Variants in ELOVL2 observed in about 807,000 individuals in gnomAD.
ELOVL2 encodes the protein very long chain fatty acid elongase 2.
ELOVL2 carries 38 observed loss-of-function variants against 37.7 expected under a neutral mutation model. The observed-to-expected ratio is 1.01, with a 90% CI of 0.78 to 1.32. The LOEUF (loss-of-function observed/expected upper bound fraction) is 1.32. Ranked by LOEUF, ELOVL2 falls within the 40% of genes most tolerant of loss-of-function variation. The probability of loss-of-function intolerance (pLI) is 0.00; values close to 1 mark genes in which losing one functional copy is unlikely to be tolerated. For synonymous variants in ELOVL2, 115 were observed against 122.3 expected (o/e 0.94, Z 0.40); for missense variants, 352 against 363.6 (o/e 0.97, Z 0.26).
chr6:11,027,113 T>C (rs1378503112), intron 1 of ELOVL2, among the ~76,000 whole-genome samples: 1 of 152,222 alleles, frequency 6.6e-6, no homozygotes, highest in Non-Finnish European at 1.5e-5. Flanking sequence ...GATAAAATAA[T>C]ATTTTAAAAG....
Position 10,982,215 on chromosome 6 carries a change from C to T in ELOVL2, c.*1566G>A, listed in dbSNP as rs1408291024. On this transcript the variant is annotated 3_prime_UTR_variant, in exon 8 of 8. Coordinates refer to ENST00000354666, the MANE Select transcript of ELOVL2 (RefSeq NM_017770.4). ...CACCTTCCAAAAAATATGCCCAAAT[C>T]CTCAGAGGGGCAGTTTACATGAAAT... is the stretch of plus-strand genomic sequence containing the variant. The T allele has an allele frequency of 2.0e-5, 3 of 152,082 alleles. No individual in the cohort carries two copies. The highest frequency in any genetic ancestry group is 1.3e-4 in the Admixed American group (2 of 15,256). 9.4% of individuals were successfully genotyped at this position (152,082 alleles called of 1,614,324 possible).
chr6:11,031,279 A>C (rs1782926502), intron 1 of ELOVL2, among the ~76,000 whole-genome samples: 1 of 152,160 alleles, frequency 6.6e-6, no homozygotes, highest in Non-Finnish European at 1.5e-5. Flanking sequence ...TATTAATGAG[A>C]ATTTCTTTGG....
At chr6:11,038,293 GCTAA>G (rs1414299737) in intron 1 of ELOVL2, among the ~76,000 whole-genome samples, 1 of 152,102 alleles carries the variant, frequency 6.6e-6, no homozygotes, top group Non-Finnish European at 1.5e-5. Flanking sequence ...TTTAAGTTAT[GCTAA>G]CTAAAGGCCA....
intron 7 of ELOVL2, among the ~76,000 whole-genome samples, chr6:10,987,016 A>C (rs1782064415): frequency 6.6e-6 from 1 of 152,154 alleles, no homozygotes; most frequent in Admixed American, 6.5e-5. Context: ...GATTATTTCC[A>C]CAATTTCAGA....
chr6:11,039,712 T>C (rs989781093), intron 1 of ELOVL2, among the ~76,000 whole-genome samples: 1 of 152,240 alleles, frequency 6.6e-6, no homozygotes, highest in Non-Finnish European at 1.5e-5. Flanking sequence ...CAAAGAATGA[T>C]TTCATCTTCC....
chr6:11,020,639 G>C (rs1674568830), intron 1 of ELOVL2, among the ~76,000 whole-genome samples: 2 of 152,150 alleles, frequency 1.3e-5, no homozygotes, highest in Non-Finnish European at 2.9e-5. Context: ...CAACCCCACA[G>C]TAAGAGAAGG....
intron 3 of ELOVL2, among the ~76,000 whole-genome samples, chr6:11,003,471 A>C (rs776458576): frequency 2.0e-5 from 3 of 152,234 alleles, no homozygotes; most frequent in Non-Finnish European, 4.4e-5. Context: ...ATGTCCCTGC[A>C]AAGGACATGA....
rs531353111 is a variant in ELOVL2 at position 10,984,270 on chromosome 6, G to A, written c.766-364C>T. Among the ~76,000 whole-genome samples, 74 of 152,146 alleles carry A rather than the reference G, an allele frequency of 4.9e-4. 1 individual carries two copies. The South Asian group carries it at 0.015, about 30-fold the overall frequency. On this transcript the variant is annotated intron_variant, in intron 7 of 7. Coordinates refer to ENST00000354666, the MANE Select transcript of ELOVL2 (RefSeq NM_017770.4). ...TGACCTCAGATGATCCACCCGCCTCGGCCTCCCAAAGTACTAAGATTACAG... is the reference window on the plus strand; with the variant it reads ...TGACCTCAGATGATCCACCCGCCTCAGCCTCCCAAAGTACTAAGATTACAG...
At chr6:11,031,039 T>C (rs527750823) in intron 1 of ELOVL2, among the ~76,000 whole-genome samples, 3 of 152,360 alleles carry the variant, frequency 2.0e-5, no homozygotes, top group African/African-American at 7.2e-5. Flanking sequence ...CACTATAACG[T>C]AGCACACTTA....
At chr6:11,010,268 C>T (rs1441803111) in intron 2 of ELOVL2, among the ~76,000 whole-genome samples, 4 of 151,930 alleles carry the variant, frequency 2.6e-5, no homozygotes, top group African/African-American at 9.7e-5. Context: ...ATGATCCGCC[C>T]ACCTCAGCCT....
intron 5 of ELOVL2, among the ~76,000 whole-genome samples, chr6:10,992,519 G>A (rs1276649357): frequency 6.6e-6 from 1 of 152,150 alleles, no homozygotes. Context: ...GGCCGGGCGT[G>A]GTGGCTCACG....
At chr6:11,036,668 G>A (rs1243822264) in intron 1 of ELOVL2, among the ~76,000 whole-genome samples, 1 of 152,142 alleles carries the variant, frequency 6.6e-6, no homozygotes, top group Non-Finnish European at 1.5e-5. Context: ...GGAAGCTACA[G>A]ATCCAAGAGA....
intron 3 of ELOVL2, among the ~76,000 whole-genome samples, chr6:11,001,994 A>C (rs909881345): frequency 6.6e-6 from 1 of 152,238 alleles, no homozygotes; most frequent in African/African-American, 2.4e-5. Context: ...GACTTTTGCT[A>C]ACATTCTTGC....
chr6:11,020,255 T>C (rs2113539042), intron 1 of ELOVL2, among the ~76,000 whole-genome samples: 1 of 152,258 alleles, frequency 6.6e-6, no homozygotes, highest in South Asian at 2.1e-4. Flanking sequence ...AGAAATGAGA[T>C]GATATCATGA....
At chr6:10,995,422 G>A (rs972959394) in intron 4 of ELOVL2, among the ~76,000 whole-genome samples, 8 of 1,868 alleles carry the variant, frequency 4.3e-3, no homozygotes, top group South Asian at 0.17. Context: ...CTCTGCATCC[G>A]CAGAACCCAA....
At position 11,025,974 on chromosome 6, in the gene ELOVL2, C is replaced by G. The variant is rs762754266; in HGVS notation, c.4-15165G>C. On this transcript the variant is annotated intron_variant, in intron 1 of 7. Transcript: ENST00000354666. ...ACCTTTAAAAGAAAAAGGGTCAGTT[C>G]GGTAACTCTAATGGGTAGTGGCTCT... Among the ~76,000 whole-genome samples, 17 of 152,212 alleles carry G rather than the reference C, an allele frequency of 1.1e-4. 1 individual carries two copies. The highest frequency in any genetic ancestry group is 7.8e-4 in the Admixed American group (12 of 15,290).
At chr6:11,019,910 A>AT (rs1782739559) in intron 1 of ELOVL2, among the ~76,000 whole-genome samples, 1 of 151,722 alleles carries the variant, frequency 6.6e-6, no homozygotes, top group Non-Finnish European at 1.5e-5. Context: ...CGCCCGGCCA[A>AT]TTTTTGTATA....
At chr6:11,015,431 A>C (rs987402291) in intron 1 of ELOVL2, among the ~76,000 whole-genome samples, 33 of 152,162 alleles carry the variant, frequency 2.2e-4, no homozygotes, top group African/African-American at 8.0e-4. Context: ...AGCACCCCAG[A>C]GCAAGCCAGC....
At position 10,991,027 on chromosome 6, in the gene ELOVL2, T is replaced by C. The variant is rs557336803; in HGVS notation, c.506-585A>G. On this transcript the variant is annotated intron_variant, in intron 5 of 7. Coordinates refer to ENST00000354666, the MANE Select transcript of ELOVL2 (RefSeq NM_017770.4). ...CTGGCCAGCGAGACCTTCCCAGTGA[T>C]TGGCCATTGCAGAGACTTTTAGGAT... Among the ~76,000 whole-genome samples the C allele has an allele frequency of 7.9e-5, 12 of 152,326 alleles. No homozygotes were observed. In the South Asian group the frequency reaches 1.7e-3, roughly 21 times the overall value.
Sources: gnomAD v4.1 joint callset for allele counts (sites outside exome capture counted in the v4.1 genomes callset) on GRCh38, gnomAD v4.1.1 for gene constraint, MANE v1.5 for transcripts, NCBI Gene and HGNC (gene_info 2026-07-23, HGNC 2026-07-21) for gene names.